Variants in ADAMTSL1 observed in about 807,000 individuals in gnomAD.
ADAMTSL1 encodes the protein ADAMTS like 1, also known as ADAMTS-like protein 1.
A neutral mutation model predicts 201.8 loss-of-function variants in ADAMTSL1; 126 were observed. The ratio of observed to expected loss-of-function variants is 0.62; its 90% confidence interval spans 0.54 to 0.72. The LOEUF is 0.72. ADAMTSL1 is among the 30% of genes least tolerant of loss of function. ADAMTSL1 has a pLI of 0.00. For missense variants in ADAMTSL1, 2,679 were observed against 2,277.8 expected (o/e 1.18, Z -3.59); for synonymous variants, 1,121 against 903.4 (o/e 1.24, Z -4.32).
intron 2 of ADAMTSL1, among the ~76,000 whole-genome samples, chr9:18,178,284 G>A (rs969982773): frequency 3.3e-5 from 5 of 152,128 alleles, no homozygotes; most frequent in Non-Finnish European, 4.4e-5. Flanking sequence ...CTGGAAAATC[G>A]GGTCACTCCC....
At chr9:18,465,314 TAAA>T (rs1034281299) in intron 2 of ADAMTSL1, among the ~76,000 whole-genome samples, 29 of 152,218 alleles carry the variant, frequency 1.9e-4, no homozygotes, top group African/African-American at 7.0e-4. Context: ...TGTATTGCTT[TAAA>T]ACATACATGT....
At chr9:18,082,527 T>G (rs1418862732) in intron 1 of ADAMTSL1, among the ~76,000 whole-genome samples, 3 of 152,144 alleles carry the variant, frequency 2.0e-5, no homozygotes, top group African/African-American at 7.2e-5. Flanking sequence ...GGCAGGTTAG[T>G]CATGACATTT....
At chr9:18,518,923 G>A (rs1320050715) in intron 2 of ADAMTSL1, among the ~76,000 whole-genome samples, 1 of 152,144 alleles carries the variant, frequency 6.6e-6, no homozygotes, top group South Asian at 2.1e-4. Flanking sequence ...GGCCAGGCTG[G>A]TTTTCTAAAA....
At chr9:18,855,090 T>G (rs971269976) in intron 23 of ADAMTSL1, among the ~76,000 whole-genome samples, 3 of 152,182 alleles carry the variant, frequency 2.0e-5, no homozygotes, top group African/African-American at 7.2e-5. Context: ...TCTGATATCT[T>G]GACCATCACA....
chr9:18,858,844 G>A (rs1286054948), intron 23 of ADAMTSL1, among the ~76,000 whole-genome samples: 1 of 152,206 alleles, frequency 6.6e-6, no homozygotes, highest in African/African-American at 2.4e-5. Context: ...GGGTCCACAA[G>A]CTTTGGGAAC....
intron 1 of ADAMTSL1, among the ~76,000 whole-genome samples, chr9:17,977,725 A>G (rs894349425): frequency 4.8e-4 from 73 of 152,166 alleles, no homozygotes; most frequent in Admixed American, 3.0e-3. Flanking sequence ...CATACAATCT[A>G]TTCTGCAGAA....
chr9:18,691,096 C>G (rs1831186436), intron 13 of ADAMTSL1, among the ~76,000 whole-genome samples: 1 of 152,166 alleles, frequency 6.6e-6, no homozygotes, highest in Non-Finnish European at 1.5e-5. Context: ...AGCTAGCTGT[C>G]TTTAAGAAAT....
intron 1 of ADAMTSL1, among the ~76,000 whole-genome samples, chr9:18,497,591 G>C (rs1285751389): frequency 2.2e-4 from 34 of 152,148 alleles, no homozygotes; most frequent in Admixed American, 2.2e-3. Context: ...AGCAGTTATA[G>C]TGTTTCCATT....
At chr9:17,964,815 G>A (rs1158275088) in intron 1 of ADAMTSL1, among the ~76,000 whole-genome samples, 1 of 152,084 alleles carries the variant, frequency 6.6e-6, no homozygotes, top group African/African-American at 2.4e-5. Context: ...TTCTTTTGGG[G>A]AAAATTATCT....
At chr9:18,518,149 T>G (rs911125993) in intron 2 of ADAMTSL1, among the ~76,000 whole-genome samples, 3 of 152,186 alleles carry the variant, frequency 2.0e-5, no homozygotes, top group Admixed American at 1.3e-4. Flanking sequence ...AAAAAATATT[T>G]ACTATTTTTT....
chr9:18,053,596 T>G (rs938025986), intron 1 of ADAMTSL1, among the ~76,000 whole-genome samples: 5 of 152,248 alleles, frequency 3.3e-5, no homozygotes, highest in African/African-American at 1.2e-4. Context: ...ATACATTCAT[T>G]TGAATGTTGC....
intron 15 of ADAMTSL1, among the ~76,000 whole-genome samples, chr9:18,744,804 G>A (rs577788160): frequency 1.6e-4 from 25 of 152,162 alleles, no homozygotes; most frequent in Non-Finnish European, 2.9e-4. Flanking sequence ...ATATCTGGGG[G>A]ATTTCTTCAG....
chr9:18,302,614 G>A (rs1005965499), intron 2 of ADAMTSL1, among the ~76,000 whole-genome samples: 1 of 152,176 alleles, frequency 6.6e-6, no homozygotes, highest in Non-Finnish European at 1.5e-5. Context: ...CACACTGGTT[G>A]ATTTTAATAT....
chr9:18,408,912 T>C (rs1298005180), intron 2 of ADAMTSL1, among the ~76,000 whole-genome samples: 3 of 152,216 alleles, frequency 2.0e-5, no homozygotes, highest in Non-Finnish European at 4.4e-5. Flanking sequence ...TATAGGATCA[T>C]ATAAAATAAG....
intron 4 of ADAMTSL1, chr9:18,574,615 G>GTGTGTGTA (rs1554708009): frequency 5.0e-6 from 2 of 397,856 alleles, no homozygotes; most frequent in Non-Finnish European, 8.9e-6. Context: ...GTGTGTGTGT[G>GTGTGTGTA]TGTATTTAGA....
At chr9:18,024,296 A>G (rs1274274248) in intron 1 of ADAMTSL1, among the ~76,000 whole-genome samples, 2 of 152,030 alleles carry the variant, frequency 1.3e-5, no homozygotes, top group South Asian at 2.1e-4. Context: ...TTGAGGGTAC[A>G]TCTGTGGTTT....
chr9:18,363,355 C>G (rs1836614843), intron 2 of ADAMTSL1, among the ~76,000 whole-genome samples: 1 of 152,176 alleles, frequency 6.6e-6, no homozygotes, highest in African/African-American at 2.4e-5. Context: ...AATCCAATTT[C>G]TCATTTGCCT....
At chr9:18,622,499 G>A (rs1427709345) in intron 5 of ADAMTSL1, 130 bp downstream of exon 5, 1 of 1,369,928 alleles carries the variant, frequency 7.3e-7, no homozygotes, top group African/African-American at 1.4e-5. Context: ...AATGTAGAAG[G>A]CTTCATGCTC....
At chr9:18,148,122 A>G (rs1390146824) in intron 1 of ADAMTSL1, among the ~76,000 whole-genome samples, 2 of 152,106 alleles carry the variant, frequency 1.3e-5, no homozygotes, top group Non-Finnish European at 2.9e-5. Flanking sequence ...AACCCTAGAA[A>G]CATAGTAATG....
Sources: allele counts gnomAD v4.1 joint callset (sites outside exome capture counted in the v4.1 genomes callset), GRCh38; gene constraint gnomAD v4.1.1; transcripts MANE v1.5; gene names NCBI Gene and HGNC (gene_info 2026-07-23, HGNC 2026-07-21).